ASH1L: variants seen among roughly 807,000 people sequenced by gnomAD.
ASH1L encodes ASH1 like histone lysine methyltransferase, also known as histone-lysine N-methyltransferase ASH1L.
Under a neutral mutation model 269.0 loss-of-function variants are expected in ASH1L, and 23 were observed. The ratio of observed to expected loss-of-function variants is 0.09; its 90% CI spans 0.06 to 0.12. The LOEUF (loss-of-function observed/expected upper bound fraction) is 0.12, where lower values mean the gene tolerates loss of function less well. Ranked by LOEUF, ASH1L falls within the 10% of genes least tolerant of loss-of-function variation. The probability of loss-of-function intolerance (pLI) is 1.00; values close to 1 mark genes in which losing one functional copy is unlikely to be tolerated. For missense variants in ASH1L, 2,912 were observed against 3,567.8 expected, an observed-to-expected ratio of 0.82 and a Z score of 4.68; for synonymous variants, 1,187 against 1,253.5, an observed-to-expected ratio of 0.95 and a Z score of 1.12.
At chr1:155,348,303 A>G (rs903492750) in intron 19 of ASH1L, among the ~76,000 whole-genome samples, 2 of 152,182 alleles carry the variant, frequency 1.3e-5, no homozygotes, top group Non-Finnish European at 2.9e-5. Context: ...GCTGGGTTTC[A>G]GTAGGAAGAA....
At chr1:155,507,736 C>T (rs572588000) in intron 2 of ASH1L, among the ~76,000 whole-genome samples, 1 of 152,154 alleles carries the variant, frequency 6.6e-6, no homozygotes, top group Admixed American at 6.5e-5. Context: ...TAGCCAAGTG[C>T]GGTGGCACAC....
At chr1:155,380,778 G>A (rs1656868653) in intron 7 of ASH1L, among the ~76,000 whole-genome samples, 1 of 150,944 alleles carries the variant, frequency 6.6e-6, no homozygotes, top group Non-Finnish European at 1.5e-5. Flanking sequence ...TTACAGGCAT[G>A]TGCTACCACA....
chr1:155,497,952 C>T (rs1667264645), intron 2 of ASH1L, among the ~76,000 whole-genome samples: 1 of 151,876 alleles, frequency 6.6e-6, no homozygotes. Context: ...CAGGGTTTCA[C>T]CGTGTTAGCC....
At chr1:155,424,002 G>C (rs559408589) in intron 5 of ASH1L, among the ~76,000 whole-genome samples, 2 of 152,144 alleles carry the variant, frequency 1.3e-5, no homozygotes, top group South Asian at 2.1e-4. Flanking sequence ...TGGGATTATA[G>C]GTGCGAGCCA....
chr1:155,405,854 AT>A (rs1659238765), intron 6 of ASH1L, among the ~76,000 whole-genome samples: 1 of 151,556 alleles, frequency 6.6e-6, no homozygotes, highest in Non-Finnish European at 1.5e-5. Context: ...AAAAGTCAAA[AT>A]AAATGGAAAG....
At chr1:155,406,898 A>T (rs1659338804) in intron 6 of ASH1L, among the ~76,000 whole-genome samples, 1 of 152,180 alleles carries the variant, frequency 6.6e-6, no homozygotes, top group Non-Finnish European at 1.5e-5. Context: ...CGAGGATAGA[A>T]TTTCCCCTGA....
At chr1:155,462,414 C>G (rs1310291985) in intron 3 of ASH1L, among the ~76,000 whole-genome samples, 2 of 152,174 alleles carry the variant, frequency 1.3e-5, no homozygotes, top group Non-Finnish European at 2.9e-5. Flanking sequence ...CTTTGATAAT[C>G]AGGATATCCT....
In ASH1L at chr1:155,428,298, G is replaced by A. The variant is rs567208328; in HGVS notation, c.5828+10029C>T. On this transcript the variant is annotated intron_variant, in intron 5 of 27. Coordinates refer to ENST00000392403, the MANE Select transcript of ASH1L (RefSeq NM_018489.3). ...TACTAAAAGTACAAAAAAATTAGCC[G>A]GGTGTGGTGGTGGGCGCCTCTAATC... 3.2e-4 allele frequency among the ~76,000 whole-genome samples: 48 copies of A among 151,628 alleles called. 2 individuals carry two copies. Among genetic ancestry groups the A allele is most frequent in the African/African-American group, 1.0e-3 (42 of 41,270 alleles).
intron 17 of ASH1L, 113 bp from the exon 18 acceptor site, chr1:155,349,709 C>A (rs200794343): frequency 9.0e-5 from 27 of 299,410 alleles, no homozygotes; most frequent in Non-Finnish European, 1.3e-4. Context: ...AAATCCAAGT[C>A]TTTTTTTTTT....
At chr1:155,545,586 T>C (rs1006959945) in intron 1 of ASH1L, among the ~76,000 whole-genome samples, 5 of 149,726 alleles carry the variant, frequency 3.3e-5, no homozygotes, top group Admixed American at 6.7e-5. Flanking sequence ...ACACACCAAA[T>C]TGATAGTGCT....
chr1:155,388,715 C>CTT (rs142537672), intron 7 of ASH1L, among the ~76,000 whole-genome samples: 2,374 of 131,642 alleles, frequency 0.018, 45 homozygotes, highest in South Asian at 0.054. Context: ...AATTGCGATT[C>CTT]TTTTTTTTTT....
intron 2 of ASH1L, among the ~76,000 whole-genome samples, chr1:155,499,880 G>A (rs1158045722): frequency 6.6e-6 from 1 of 152,016 alleles, no homozygotes; most frequent in Non-Finnish European, 1.5e-5. Flanking sequence ...ACAATGAAAT[G>A]AGAAACATTC....
chr1:155,422,751 C>A (rs1282191544), intron 5 of ASH1L, among the ~76,000 whole-genome samples: 2 of 150,832 alleles, frequency 1.3e-5, no homozygotes, highest in African/African-American at 4.9e-5. Context: ...TGGGTTCAAG[C>A]GATTTCTCCT....
At chr1:155,426,578 G>T (rs893635239) in intron 5 of ASH1L, among the ~76,000 whole-genome samples, 7 of 152,170 alleles carry the variant, frequency 4.6e-5, no homozygotes, top group African/African-American at 1.7e-4. Flanking sequence ...GACCTCAGGT[G>T]ATCTGCCCAC....
chr1:155,478,922 C>A lies in ASH1L; in HGVS notation c.3948G>T (p.Leu1316=). Reference sequence around the variant, plus strand: ...TAAAGTTGATTCGAAAGATAGTTGGCAGAAGATCTCGGGGGATAAAATGAT... The same window carrying A: ...TAAAGTTGATTCGAAAGATAGTTGGAAGAAGATCTCGGGGGATAAAATGAT... The part of the protein sequence containing the change: ...RSHHFIPRDL[L]PTIFRINFNS... The change falls in exon 3 of 28, where the codon CTG becomes CTT. Residue 1316 remains leucine, a synonymous_variant. Transcript: ENST00000392403. This position sits in a 1 kb window ranked among gnomAD's most constrained non-coding sequence, Gnocchi z 4.6. 1.2e-6 allele frequency: 2 copies of A among 1,613,876 alleles called. No individual in the cohort carries two copies. The highest frequency in any genetic ancestry group is 1.7e-6 in the Non-Finnish European group (2 of 1,179,980).
chr1:155,415,936 G>C lies in ASH1L; in HGVS notation c.5829-13C>G. 2 of 1,448,312 alleles carry C rather than the reference G, an allele frequency of 1.4e-6. No individual in the cohort carries two copies. The highest frequency in any genetic ancestry group is 1.8e-6 in the Non-Finnish European group (2 of 1,095,846). 89.7% of individuals were successfully genotyped at this position (1,448,312 alleles called of 1,614,324 possible). A position where few individuals can be genotyped will look rare whatever the true frequency, so the allele number is the denominator to read the frequency against. On this transcript the variant is annotated splice_polypyrimidine_tract_variant and intron_variant, in intron 5 of 27. Transcript: ENST00000392403. ...TGCTTCATTAAAGCTAGAAAGAGAA[G>C]TTTAAAGATAATTTTATTATGAAAA...
chr1:155,357,822 G>C lies in ASH1L; in HGVS notation c.6796-73C>G, dbSNP rs561322907. 44 of 1,395,390 alleles carry C rather than the reference G, an allele frequency of 3.2e-5. No individual in the cohort carries two copies. The African/African-American group carries it at 6.4e-4, about 20-fold the overall frequency. The allele number at this position is 1,395,390 out of a possible 1,614,324, so 86.4% of individuals were successfully genotyped here. ...GGTCTTTCCTGTCACTCAGGCTGAA[G>C]TACAATAGTATGATCATGGCTCACT... On this transcript the variant is annotated intron_variant, in intron 13 of 27. Transcript: ENST00000392403.
At chr1:155,400,856 C>A (rs945231234) in intron 6 of ASH1L, among the ~76,000 whole-genome samples, 1 of 152,108 alleles carries the variant, frequency 6.6e-6, no homozygotes, top group Admixed American at 6.6e-5. Context: ...CAGACCCAGA[C>A]AAAAGATAAA....
At chr1:155,398,958 C>T (rs1025267890) in intron 6 of ASH1L, among the ~76,000 whole-genome samples, 6 of 152,096 alleles carry the variant, frequency 3.9e-5, no homozygotes, top group African/African-American at 1.4e-4. Flanking sequence ...GTCTTCAACT[C>T]CTGGGCTCAA....
Sources: allele counts gnomAD v4.1 joint callset (sites outside exome capture counted in the v4.1 genomes callset), GRCh38; gene constraint gnomAD v4.1.1; non-coding constraint Gnocchi (gnomAD v3.1); transcripts MANE v1.5; gene names NCBI Gene and HGNC (gene_info 2026-07-23, HGNC 2026-07-21).